BANK1: variants seen among roughly 807,000 people sequenced by gnomAD.
BANK1 encodes the protein B cell scaffold protein with ankyrin repeats 1.
A neutral mutation model predicts 94.5 loss-of-function variants in BANK1; 95 were observed. That is an observed-to-expected ratio of 1.00 (90% CI 0.85 to 1.19). The LOEUF (loss-of-function observed/expected upper bound fraction) is 1.19, where lower values mean the gene tolerates loss of function less well. Among genes scored for constraint, BANK1 ranks in the 50% most tolerant of loss-of-function variants. The pLI is 0.00. For missense variants in BANK1, 987 were observed against 932.2 expected, an observed-to-expected ratio of 1.06 and a Z score of -0.77; for synonymous variants, 334 against 308.4, an observed-to-expected ratio of 1.08 and a Z score of -0.87.
At chr4:101,910,447 C>T (rs535344629) in intron 6 of BANK1, among the ~76,000 whole-genome samples, 4 of 151,600 alleles carry the variant, frequency 2.6e-5, no homozygotes, top group East Asian at 1.9e-4. Flanking sequence ...TTTGGGAGGC[C>T]GAGGCGGGCT....
At chr4:102,050,402 G>T (rs1272410697) in intron 11 of BANK1, among the ~76,000 whole-genome samples, 4 of 152,170 alleles carry the variant, frequency 2.6e-5, no homozygotes, top group Non-Finnish European at 5.9e-5. Flanking sequence ...ATTATTTGCA[G>T]AGCTTTTAAA....
intron 5 of BANK1, among the ~76,000 whole-genome samples, chr4:101,891,827 G>A (rs1455019560): frequency 6.6e-6 from 1 of 151,946 alleles, no homozygotes. Context: ...AAAAATTCTA[G>A]TTGGTTCTTC....
chr4:101,839,643 CT>C (rs1228201235), intron 2 of BANK1, among the ~76,000 whole-genome samples: 1 of 152,112 alleles, frequency 6.6e-6, no homozygotes, highest in Non-Finnish European at 1.5e-5. Flanking sequence ...ACCCTATCCC[CT>C]AATAAATGCT....
intron 5 of BANK1, among the ~76,000 whole-genome samples, chr4:101,888,541 G>T (rs1313778850): frequency 2.0e-5 from 3 of 152,080 alleles, no homozygotes; most frequent in East Asian, 1.9e-4. Flanking sequence ...TTCTCTCCAC[G>T]ATTAGAATGT....
chr4:101,870,384 T>A, intron 4 of BANK1, 121 bp from the exon 5 acceptor site: 11 of 848,264 alleles, frequency 1.3e-5, no homozygotes, highest in Non-Finnish European at 1.8e-5. Context: ...TGATTTTAAG[T>A]GCTAGAGATG....
At chr4:101,884,890 T>TTTTG (rs917236248) in intron 5 of BANK1, among the ~76,000 whole-genome samples, 8 of 152,052 alleles carry the variant, frequency 5.3e-5, no homozygotes, top group South Asian at 2.1e-4. Flanking sequence ...TCTGGAAGGT[T>TTTTG]TTTGTTTGTT....
At position 101,829,967 on chromosome 4, in the gene BANK1, C is replaced by G. The variant is rs762195801; in HGVS notation, c.230C>G (p.Ser77Cys). 2 of 1,613,770 alleles carry G rather than the reference C, an allele frequency of 1.2e-6. No homozygotes were observed. The highest frequency in any genetic ancestry group is 1.7e-6 in the Non-Finnish European group (2 of 1,179,910). Reference protein sequence around the residue: ...FRHLELLNLTSYKCKLLILSN... With the variant: ...FRHLELLNLTCYKCKLLILSN... ...CATTTGGAGTTGCTGAACTTAACGTCTTACAAATGTAAACTTTTGATATTA... is the reference window on the plus strand; with the variant it reads ...CATTTGGAGTTGCTGAACTTAACGTGTTACAAATGTAAACTTTTGATATTA... Residue 77 changes from serine (S) to cysteine (C), a missense_variant, in exon 2 of 17, where the codon TCT becomes TGT. Transcript: ENST00000322953.
chr4:101,792,252 C>T (rs984894036), intron 1 of BANK1, among the ~76,000 whole-genome samples: 30 of 99,184 alleles, frequency 3.0e-4, no homozygotes, highest in Non-Finnish European at 5.3e-4. Flanking sequence ...CCATGCATTC[C>T]GCTCCCCCCC....
intron 1 of BANK1, among the ~76,000 whole-genome samples, chr4:101,815,145 A>G (rs1431272478): frequency 2.6e-5 from 4 of 152,242 alleles, no homozygotes; most frequent in African/African-American, 9.6e-5. Flanking sequence ...ATAATGTGAA[A>G]TCCTAGAATT....
intron 7 of BANK1, among the ~76,000 whole-genome samples, chr4:101,929,862 A>G (rs1723285694): frequency 6.6e-6 from 1 of 151,544 alleles, no homozygotes; most frequent in Non-Finnish European, 1.5e-5. Context: ...TAATTAGTAA[A>G]AAAAATTTAA....
chr4:101,824,459 A>G (rs902668166), intron 1 of BANK1, among the ~76,000 whole-genome samples: 1 of 152,234 alleles, frequency 6.6e-6, no homozygotes, highest in Admixed American at 6.5e-5. Flanking sequence ...GAGGAGAAAT[A>G]TGAGTTATGA....
At chr4:101,914,259 G>A (rs760553767) in intron 6 of BANK1, among the ~76,000 whole-genome samples, 14 of 151,998 alleles carry the variant, frequency 9.2e-5, no homozygotes, top group East Asian at 3.9e-4. Context: ...GAGATAGCCC[G>A]GGAGAAGCTC....
chr4:101,893,821 A>G (rs920443923), intron 5 of BANK1, among the ~76,000 whole-genome samples: 32 of 152,072 alleles, frequency 2.1e-4, no homozygotes, highest in Non-Finnish European at 4.3e-4. Context: ...TAAGCATTAT[A>G]GGCCTGAAAC....
At chr4:101,936,547 C>A (rs564034211) in intron 7 of BANK1, among the ~76,000 whole-genome samples, 1 of 149,670 alleles carries the variant, frequency 6.7e-6, no homozygotes, top group Non-Finnish European at 1.5e-5. Flanking sequence ...TACACATACA[C>A]GTATACATAT....
Position 101,830,210 on chromosome 4 carries a change from G to C in BANK1, c.469+4G>C. On this transcript the variant is annotated splice_donor_region_variant and intron_variant, in intron 2 of 16. Transcript: ENST00000322953. ...ATCCAGAGTATCATATTCAAAGGTA[G>C]TGTTGCCAAACCTTGTTTGTTTTAT... 6.8e-7 allele frequency: 1 copy of C among 1,480,986 alleles called. No individual in the cohort carries two copies. Among genetic ancestry groups the C allele is most frequent in the Non-Finnish European group, 8.9e-7 (1 of 1,118,470 alleles). 91.7% of individuals were successfully genotyped at this position (1,480,986 alleles called of 1,614,324 possible). A position where few individuals can be genotyped will look rare whatever the true frequency, so the allele number is the denominator to read the frequency against.
intron 1 of BANK1, among the ~76,000 whole-genome samples, chr4:101,792,478 T>G (rs1459024888): frequency 2.3e-4 from 35 of 150,876 alleles, no homozygotes; most frequent in African/African-American, 8.1e-4. Flanking sequence ...TGTTTTTTTT[T>G]TTTTAATGAA....
At chr4:101,819,555 C>G (rs971187230) in intron 1 of BANK1, among the ~76,000 whole-genome samples, 1 of 152,078 alleles carries the variant, frequency 6.6e-6, no homozygotes, top group African/African-American at 2.4e-5. Context: ...ATATTTCATT[C>G]CTAAGGACCC....
At chr4:101,938,514 A>T (rs1394347851) in intron 7 of BANK1, among the ~76,000 whole-genome samples, 1 of 151,694 alleles carries the variant, frequency 6.6e-6, no homozygotes, top group East Asian at 2.0e-4. Context: ...ATTTACCCTG[A>T]TATGATTATT....
intron 7 of BANK1, among the ~76,000 whole-genome samples, chr4:101,934,132 TA>T (rs2148906681): frequency 6.6e-6 from 1 of 151,598 alleles, no homozygotes; most frequent in African/African-American, 2.4e-5. Context: ...CTCTTACTAC[TA>T]GAAAGAAGGC....
Sources: gnomAD v4.1 joint callset for allele counts (sites outside exome capture counted in the v4.1 genomes callset) on GRCh38, gnomAD v4.1.1 for gene constraint, MANE v1.5 for transcripts, NCBI Gene and HGNC (gene_info 2026-07-23, HGNC 2026-07-21) for gene names.